The following FAM193A variants were observed in gnomAD, a reference collection of about 807,000 sequenced individuals.
FAM193A encodes family with sequence similarity 193 member A.
A neutral mutation model predicts 126.5 loss-of-function variants in FAM193A; 22 were observed. The observed-to-expected ratio is 0.17, with a 90% CI of 0.12 to 0.25. The LOEUF (loss-of-function observed/expected upper bound fraction) is 0.25, where lower values mean the gene tolerates loss of function less well. FAM193A is among the 10% of genes least tolerant of loss of function. FAM193A has a pLI of 1.00. For synonymous variants in FAM193A, 761 were observed against 646.8 expected, an observed-to-expected ratio of 1.18 and a Z score of -2.68; for missense variants, 1,675 against 1,672.8, an observed-to-expected ratio of 1.00 and a Z score of -0.02.
chr4:2,554,445 A>T (rs1456778400), intron 1 of FAM193A, among the ~76,000 whole-genome samples: 1 of 152,154 alleles, frequency 6.6e-6, no homozygotes, highest in Non-Finnish European at 1.5e-5. Flanking sequence ...ATCAGAGATC[A>T]TTCTTTTTAT....
At chr4:2,730,873 A>G (rs544714012) in intron 20 of FAM193A, among the ~76,000 whole-genome samples, 18 of 151,988 alleles carry the variant, frequency 1.2e-4, no homozygotes, top group African/African-American at 4.1e-4. Context: ...AGCCTGGGTG[A>G]CAGAGACTCC....
chr4:2,687,005 C>T (rs1168160760), intron 13 of FAM193A, among the ~76,000 whole-genome samples: 1 of 152,098 alleles, frequency 6.6e-6, no homozygotes, highest in African/African-American at 2.4e-5. Flanking sequence ...GACTTCAGGC[C>T]CTTTACTGTA....
chr4:2,585,322 C>T (rs375922935), intron 1 of FAM193A, among the ~76,000 whole-genome samples: 1 of 152,186 alleles, frequency 6.6e-6, no homozygotes, highest in Non-Finnish European at 1.5e-5. Flanking sequence ...AGTGGTTATA[C>T]CTATTTTCAC....
chr4:2,594,641 G>T (rs1257819569), intron 1 of FAM193A, among the ~76,000 whole-genome samples: 1 of 151,992 alleles, frequency 6.6e-6, no homozygotes, highest in Non-Finnish European at 1.5e-5. Context: ...CTCAGGGTTC[G>T]AAGGGGCTTC....
At chr4:2,608,413 A>G (rs892817426) in intron 2 of FAM193A, among the ~76,000 whole-genome samples, 1 of 152,170 alleles carries the variant, frequency 6.6e-6, no homozygotes, top group African/African-American at 2.4e-5. Flanking sequence ...TCCTGGGCTC[A>G]ATCAGTCTCC....
chr4:2,646,912 T>C, intron 7 of FAM193A, 80 bp downstream of exon 7: 1 of 1,410,812 alleles, frequency 7.1e-7, no homozygotes, highest in Non-Finnish European at 9.5e-7. Context: ...TCACTAGCTT[T>C]GTCCTGAGCT....
At chr4:2,622,691 G>A (rs1375006371) in intron 2 of FAM193A, among the ~76,000 whole-genome samples, 4 of 152,152 alleles carry the variant, frequency 2.6e-5, no homozygotes, top group African/African-American at 9.7e-5. Context: ...CCTGGGAAGG[G>A]CCAAGCTTTG....
At chr4:2,717,330 C>T (rs1719650411) in intron 20 of FAM193A, among the ~76,000 whole-genome samples, 1 of 152,262 alleles carries the variant, frequency 6.6e-6, no homozygotes, top group Admixed American at 6.5e-5. Context: ...TGGTGGCTCA[C>T]ACCTGTAATC....
At chr4:2,611,111 T>C (rs574552802) in intron 2 of FAM193A, among the ~76,000 whole-genome samples, 1 of 152,268 alleles carries the variant, frequency 6.6e-6, no homozygotes, top group South Asian at 2.1e-4. Flanking sequence ...CTGAGTCCTA[T>C]AGGGTAAGTG....
chr4:2,551,437 A>G (rs1737910093), intron 1 of FAM193A, among the ~76,000 whole-genome samples: 1 of 152,216 alleles, frequency 6.6e-6, no homozygotes, highest in Admixed American at 6.6e-5. Flanking sequence ...TGCATTTGGA[A>G]TGCTTAATCT....
chr4:2,596,431 G>A, intron 2 of FAM193A, 102 bp downstream of exon 2: 1 of 641,248 alleles, frequency 1.6e-6, no homozygotes, highest in South Asian at 1.8e-5. Context: ...TGCTTCAGGG[G>A]GCACTCCCTC....
chr4:2,608,019 A>T, intron 2 of FAM193A: 1 of 1,603,994 alleles, frequency 6.2e-7, no homozygotes, highest in Non-Finnish European at 8.5e-7. Flanking sequence ...GTGAATGTGC[A>T]CCACGCACTT....
intron 1 of FAM193A, among the ~76,000 whole-genome samples, chr4:2,546,455 T>G (rs1737560047): frequency 6.6e-6 from 1 of 152,198 alleles, no homozygotes; most frequent in Non-Finnish European, 1.5e-5. Context: ...CAGCCATTAC[T>G]GTGTTGCTTG....
At chr4:2,661,416 T>C (rs973906212) in intron 10 of FAM193A, among the ~76,000 whole-genome samples, 5 of 152,228 alleles carry the variant, frequency 3.3e-5, no homozygotes, top group African/African-American at 1.2e-4. Context: ...TGGTGAAGCC[T>C]CCTGCTGTCA....
intron 20 of FAM193A, among the ~76,000 whole-genome samples, chr4:2,726,937 C>T (rs547697922): frequency 4.5e-4 from 46 of 103,294 alleles, no homozygotes; most frequent in African/African-American, 1.6e-3. Context: ...GCAACAAGAG[C>T]AAAACTCCGT....
At chr4:2,680,388 A>G (rs1714968088) in intron 13 of FAM193A, among the ~76,000 whole-genome samples, 1 of 152,062 alleles carries the variant, frequency 6.6e-6, no homozygotes, top group Non-Finnish European at 1.5e-5. Context: ...TGACATGATC[A>G]TAGCTCATTG....
intron 13 of FAM193A, among the ~76,000 whole-genome samples, chr4:2,677,958 T>C (rs776782877): frequency 8.5e-5 from 13 of 152,172 alleles, no homozygotes; most frequent in Admixed American, 7.2e-4. Context: ...CATTTATTTA[T>C]GTTTTTTTAA....
At chr4:2,607,210 T>C (rs1459718589) in intron 2 of FAM193A, among the ~76,000 whole-genome samples, 1 of 152,178 alleles carries the variant, frequency 6.6e-6, no homozygotes, top group Non-Finnish European at 1.5e-5. Context: ...AAAATAATTA[T>C]TTTTATTGCA....
intron 20 of FAM193A, among the ~76,000 whole-genome samples, chr4:2,721,273 A>T (rs1157941852): frequency 7.3e-6 from 1 of 137,620 alleles, no homozygotes; most frequent in East Asian, 2.2e-4. Context: ...AGATTGCACC[A>T]CTGCACTCCA....
Sources: allele counts gnomAD v4.1 joint callset (sites outside exome capture counted in the v4.1 genomes callset), GRCh38; gene constraint gnomAD v4.1.1; transcripts MANE v1.5; gene names NCBI Gene and HGNC (gene_info 2026-07-23, HGNC 2026-07-21).